PKD1L1: variants seen among roughly 807,000 people sequenced by gnomAD.
PKD1L1 encodes the protein polycystin-1-like protein 1.
Under a neutral mutation model 323.4 loss-of-function variants are expected in PKD1L1, and 236 were observed. The observed-to-expected ratio is 0.73, with a 90% CI of 0.66 to 0.81. The LOEUF (loss-of-function observed/expected upper bound fraction) is 0.81. PKD1L1 is among the 40% of genes least tolerant of loss of function. PKD1L1 has a pLI of 0.00. For missense variants in PKD1L1, 3,320 were observed against 3,508.0 expected (o/e 0.95, Z 1.35); for synonymous variants, 1,344 against 1,335.0 (o/e 1.01, Z -0.15).
At chr7:47,939,503 C>G (rs986430000) in intron 3 of PKD1L1, among the ~76,000 whole-genome samples, 1 of 152,158 alleles carries the variant, frequency 6.6e-6, no homozygotes, top group Non-Finnish European at 1.5e-5. Flanking sequence ...TTTCACTCTT[C>G]TCTCGGACCC....
intron 11 of PKD1L1, among the ~76,000 whole-genome samples, 199 bp from the exon 12 acceptor site, chr7:47,904,816 CTTCA>C (rs1787168452): frequency 6.6e-6 from 1 of 152,122 alleles, no homozygotes; most frequent in Non-Finnish European, 1.5e-5. Flanking sequence ...CTACCCCCCT[CTTCA>C]TTATTTAATT....
intron 16 of PKD1L1, among the ~76,000 whole-genome samples, 189 bp from the exon 17 acceptor site, chr7:47,888,339 G>A (rs1019019744): frequency 3.9e-5 from 6 of 152,222 alleles, no homozygotes; most frequent in Admixed American, 1.3e-4. Context: ...CGACACTCAC[G>A]TGATCTGCTC....
In PKD1L1 at chr7:47,877,522, G is replaced by T. The variant is rs145960512; in HGVS notation, c.3630C>A (p.Thr1210=). ...VQPHHGLEAH[T]VFSVFCMSGK... The stretch of plus-strand genomic sequence containing the variant: ...CAGACATGCAGAAGACACTGAAGAC[G>T]GTGTGTGCTTCCAGACCATGGTGGG... Residue 1210 remains threonine, a synonymous_variant, in exon 22 of 57, where the codon ACC becomes ACA. Coordinates refer to ENST00000289672, the MANE Select transcript of PKD1L1 (RefSeq NM_138295.5). 163 of 1,613,930 alleles carry T rather than the reference G, an allele frequency of 1.0e-4. No individual in the cohort carries two copies. The highest frequency in any genetic ancestry group is 5.4e-4 in the South Asian group (49 of 91,068).
chr7:47,956,236 T>C, the PKD1L1 span, among the ~76,000 whole-genome samples: 1 of 152,312 alleles, frequency 6.6e-6, no homozygotes, highest in East Asian at 1.9e-4. Context: ...GCACCGCACT[T>C]GGAGAATTTC....
chr7:47,886,713 T>C (rs1786693515), intron 17 of PKD1L1, among the ~76,000 whole-genome samples: 1 of 152,162 alleles, frequency 6.6e-6, no homozygotes, highest in Non-Finnish European at 1.5e-5. Flanking sequence ...AAAAGTTTCC[T>C]GAGGCCTCAT....
chr7:47,953,837 G>C, the PKD1L1 span, among the ~76,000 whole-genome samples: 2 of 152,200 alleles, frequency 1.3e-5, no homozygotes, highest in Admixed American at 1.3e-4. Flanking sequence ...AACAGTGAAA[G>C]AAGTGAACAG....
intron 2 of PKD1L1, among the ~76,000 whole-genome samples, 162 bp from the exon 3 acceptor site, chr7:47,940,479 CTG>C (rs1332732686): frequency 1.3e-5 from 2 of 152,224 alleles, no homozygotes; most frequent in South Asian, 2.1e-4. Context: ...CCGTGTCCTG[CTG>C]TGTGTGTTTT....
intron 12 of PKD1L1, among the ~76,000 whole-genome samples, 188 bp from the exon 13 acceptor site, chr7:47,902,699 C>A (rs1468396008): frequency 6.6e-6 from 1 of 152,206 alleles, no homozygotes; most frequent in Non-Finnish European, 1.5e-5. Context: ...ATTTAATCAA[C>A]AGACTGGCTC....
intron 2 of PKD1L1, 108 bp from the exon 3 acceptor site, chr7:47,940,425 G>A: frequency 8.5e-7 from 1 of 1,172,512 alleles, no homozygotes; most frequent in African/African-American, 1.6e-5. Flanking sequence ...AAGCCACCTG[G>A]GCCTAACAAC....
chr7:47,943,191 T>C (rs1788032309), intron 2 of PKD1L1, among the ~76,000 whole-genome samples: 1 of 137,798 alleles, frequency 7.3e-6, no homozygotes, highest in South Asian at 2.3e-4. Context: ...TATATATATA[T>C]ATATATGTGT....
chr7:47,926,213 G>T (rs894701997), intron 7 of PKD1L1, among the ~76,000 whole-genome samples: 7 of 152,222 alleles, frequency 4.6e-5, no homozygotes, highest in African/African-American at 1.7e-4. Context: ...GGCTTTGTCT[G>T]CATGATAAAA....
chr7:47,829,750 ACT>A, intron 43 of PKD1L1, 149 bp from the exon 44 acceptor site: 1 of 896,266 alleles, frequency 1.1e-6, no homozygotes, highest in Admixed American at 2.7e-5. Context: ...TCCCAGCCCA[ACT>A]ACTCACCAGG....
intron 27 of PKD1L1, among the ~76,000 whole-genome samples, chr7:47,858,196 A>G (rs1785947152): frequency 6.6e-6 from 1 of 152,216 alleles, no homozygotes; most frequent in Non-Finnish European, 1.5e-5. Flanking sequence ...AGCACTGGCC[A>G]TTTCATAAAG....
chr7:47,790,064 T>G lies in PKD1L1; in HGVS notation c.8526+2563A>C, dbSNP rs567891726. On this transcript the variant is annotated intron_variant, in intron 56 of 56. Coordinates refer to ENST00000289672, the MANE Select transcript of PKD1L1 (RefSeq NM_138295.5). ...CCATGACGCCCAGCTAATTTTTTTG[T>G]ATTTTTAGTAGAGACGGAGTTTCAC... 3.3e-5 allele frequency among the ~76,000 whole-genome samples: 5 copies of G among 152,000 alleles called. No individual in the cohort carries two copies. The East Asian group carries it at 7.8e-4, about 24-fold the overall frequency.
rs1788099723 is a variant in PKD1L1, at chr7:47,946,493, CCACACAAACACACCATA to C, written c.44+1887_44+1903del. ...CATCGCACACACCACACACCACGCACCACACAAACACACCATACACACAAACACCACACACACACCAA... is the reference window on the plus strand; with the variant it reads ...CATCGCACACACCACACACCACGCACCACACAAACACCACACACACACCAA... On this transcript the variant is annotated intron_variant, in intron 1 of 56. Coordinates refer to ENST00000289672, the MANE Select transcript of PKD1L1 (RefSeq NM_138295.5). The surrounding 1 kb of genome is among the most constrained non-coding windows in gnomAD (Gnocchi z 4.1). 9.0e-6 allele frequency among the ~76,000 whole-genome samples: 1 copy of C among 110,928 alleles called. No individual in the cohort carries two copies. Among genetic ancestry groups the C allele is most frequent in the Non-Finnish European group, 2.1e-5 (1 of 47,828 alleles). 72.8% of individuals were successfully genotyped at this position (110,928 alleles called of 152,430 possible).
At chr7:47,888,308 T>C (rs111969737) in intron 16 of PKD1L1, among the ~76,000 whole-genome samples, 158 bp from the exon 17 acceptor site, 7,995 of 152,260 alleles carry the variant, frequency 0.053, 536 homozygotes, top group African/African-American at 0.16. Context: ...ACATATGGAG[T>C]GGCCAACACT....
chr7:47,788,036 T>G (rs959463391), intron 56 of PKD1L1, among the ~76,000 whole-genome samples: 1 of 152,190 alleles, frequency 6.6e-6, no homozygotes, highest in African/African-American at 2.4e-5. Context: ...GAACTGACAA[T>G]CTTTTTGTCC....
chr7:47,861,921 G>A (rs71547868), intron 26 of PKD1L1, among the ~76,000 whole-genome samples: 63,744 of 143,560 alleles, frequency 0.44, 14,596 homozygotes, highest in African/African-American at 0.54. Flanking sequence ...TGGGCCAGGC[G>A]TGGTGGCTCA....
intron 22 of PKD1L1, among the ~76,000 whole-genome samples, chr7:47,876,560 G>A (rs1786407542): frequency 6.6e-6 from 1 of 152,122 alleles, no homozygotes; most frequent in Non-Finnish European, 1.5e-5. Flanking sequence ...CACACTGCTG[G>A]GCATCACACA....
Sources: gnomAD v4.1 joint callset for allele counts (sites outside exome capture counted in the v4.1 genomes callset) on GRCh38, gnomAD v4.1.1 for gene constraint, Gnocchi (gnomAD v3.1) non-coding constraint, MANE v1.5 for transcripts, NCBI Gene and HGNC (gene_info 2026-07-23, HGNC 2026-07-21) for gene names.